The following CDH13 variants were observed in gnomAD, a reference collection of about 807,000 sequenced individuals.
CDH13 encodes cadherin 13, also known as cadherin-13.
Under a neutral mutation model 63.8 loss-of-function variants are expected in CDH13, and 24 were observed. The ratio of observed to expected loss-of-function variants is 0.38; its 90% confidence interval spans 0.27 to 0.53. CDH13 has a LOEUF of 0.53. CDH13 is among the 20% of genes least tolerant of loss of function. The probability of loss-of-function intolerance (pLI) is 0.85; values close to 1 mark genes in which losing one functional copy is unlikely to be tolerated. For synonymous variants in CDH13, 503 were observed against 355.3 expected (o/e 1.42, Z -4.67); for missense variants, 1,049 against 903.1 (o/e 1.16, Z -2.07).
chr16:83,140,257 A>T (rs1313822658), intron 4 of CDH13, among the ~76,000 whole-genome samples: 1 of 152,054 alleles, frequency 6.6e-6, no homozygotes, highest in Non-Finnish European at 1.5e-5. Context: ...AATCATACCT[A>T]TTCCTACACA....
chr16:83,717,359 A>G (rs1443562790), intron 10 of CDH13, among the ~76,000 whole-genome samples: 2 of 152,120 alleles, frequency 1.3e-5, no homozygotes, highest in South Asian at 2.1e-4. Flanking sequence ...CTTTTTGTAT[A>G]TATTTTCCAT....
rs1210160331 is a variant in CDH13, at chr16:82,638,428, T to A, written c.45+11291T>A. Among the ~76,000 whole-genome samples the A allele has an allele frequency of 3.3e-5, 5 of 152,194 alleles. No individual in the cohort carries two copies. The East Asian group carries it at 9.7e-4, about 29-fold the overall frequency. On this transcript the variant is annotated intron_variant, in intron 1 of 13. Transcript: ENST00000567109. ...CTGTTTTCCCCTGTATTAAAACAAC[T>A]GAAAAGGAATATCTATGCTTGCCCT...
intron 7 of CDH13, among the ~76,000 whole-genome samples, chr16:83,498,356 CTG>C (rs909777544): frequency 2.7e-5 from 4 of 150,916 alleles, no homozygotes; most frequent in African/African-American, 9.9e-5. Flanking sequence ...TGAGGTAAAA[CTG>C]AGATTATTCT....
chr16:83,216,791 T>C (rs575824212), intron 4 of CDH13, among the ~76,000 whole-genome samples: 1 of 150,656 alleles, frequency 6.6e-6, no homozygotes, highest in South Asian at 2.1e-4. Context: ...ATAAGCCCCC[T>C]AAATAGATGT....
chr16:82,945,432 C>T (rs764670351), intron 2 of CDH13, among the ~76,000 whole-genome samples: 43 of 152,168 alleles, frequency 2.8e-4, no homozygotes, highest in Non-Finnish European at 5.6e-4. Context: ...GTTTCCTAGG[C>T]CACTGACTGA....
chr16:82,705,703 T>TA (rs574810431), intron 1 of CDH13, among the ~76,000 whole-genome samples: 25 of 152,120 alleles, frequency 1.6e-4, no homozygotes, highest in Admixed American at 9.2e-4. Context: ...TTTAGAGACT[T>TA]AAAAAAAATC....
rs774376241 is a variant in CDH13 at position 83,699,130 on chromosome 16, T to C, written c.1538+20669T>C. 9.2e-5 allele frequency among the ~76,000 whole-genome samples: 14 copies of C among 152,240 alleles called. 1 individual carries two copies. The highest frequency in any genetic ancestry group is 5.9e-5 in the Non-Finnish European group (4 of 68,046). On this transcript the variant is annotated intron_variant, in intron 10 of 13. Transcript: ENST00000567109. ...AAGCCCTCGGCCAATGTTTGCTAAA[T>C]GCATGACTTATAAGACATGGCCCCC...
intron 4 of CDH13, among the ~76,000 whole-genome samples, chr16:83,179,847 A>G (rs990566348): frequency 1.6e-4 from 25 of 152,168 alleles, no homozygotes; most frequent in African/African-American, 5.5e-4. Context: ...CTTAGCATCA[A>G]ACTAAAGTTA....
chr16:82,659,323 A>G (rs778427798), intron 1 of CDH13, among the ~76,000 whole-genome samples: 11 of 152,180 alleles, frequency 7.2e-5, no homozygotes, highest in Non-Finnish European at 1.0e-4. Context: ...ATAAGCACAC[A>G]TGAATAGGTA....
chr16:83,528,088 A>G lies in CDH13; in HGVS notation c.960+41433A>G, dbSNP rs115540300. On this transcript the variant is annotated intron_variant, in intron 7 of 13. Transcript: ENST00000567109. Reference sequence around the variant, plus strand: ...GGGCCCCCTACACACAGGCATACCTACTTAGCCCCATCTGTATATCCCAAA... The same window carrying G: ...GGGCCCCCTACACACAGGCATACCTGCTTAGCCCCATCTGTATATCCCAAA... 9.3e-3 allele frequency among the ~76,000 whole-genome samples: 1,424 copies of G among 152,324 alleles called. 28 individuals carry two copies. The highest frequency in any genetic ancestry group is 0.033 in the African/African-American group (1,377 of 41,570).
chr16:83,034,009 G>T (rs1014193492), intron 3 of CDH13, among the ~76,000 whole-genome samples: 1 of 152,100 alleles, frequency 6.6e-6, no homozygotes, highest in African/African-American at 2.4e-5. Context: ...GGGTCACACA[G>T]CTGGGAGCAG....
intron 5 of CDH13, among the ~76,000 whole-genome samples, chr16:83,333,994 G>T (rs554270638): frequency 1.8e-4 from 27 of 152,178 alleles, no homozygotes; most frequent in African/African-American, 6.0e-4. Context: ...GTAAAATCAA[G>T]GTGTCCGCAG....
chr16:83,448,999 AT>A (rs1296545491), intron 6 of CDH13, among the ~76,000 whole-genome samples: 1 of 152,182 alleles, frequency 6.6e-6, no homozygotes, highest in Non-Finnish European at 1.5e-5. Context: ...TAGATACCGA[AT>A]TTCCACAGCC....
chr16:83,083,963 C>T (rs1273687341), intron 3 of CDH13, among the ~76,000 whole-genome samples: 2 of 152,214 alleles, frequency 1.3e-5, no homozygotes, highest in African/African-American at 4.8e-5. Context: ...TTACCAATTG[C>T]AGCTGTTTCG....
chr16:83,715,472 G>A (rs1334408912), intron 10 of CDH13, among the ~76,000 whole-genome samples: 3 of 152,186 alleles, frequency 2.0e-5, no homozygotes, highest in South Asian at 4.1e-4. Context: ...CCTGGGGCTT[G>A]TAAGTACCAG....
chr16:83,672,975 A>G (rs929962622), intron 9 of CDH13, among the ~76,000 whole-genome samples: 9 of 152,240 alleles, frequency 5.9e-5, no homozygotes, highest in Non-Finnish European at 1.0e-4. Flanking sequence ...GGCCAGTGCC[A>G]GGGTTTCCTA....
chr16:82,647,753 T>C (rs1910265927), intron 1 of CDH13, among the ~76,000 whole-genome samples: 1 of 152,126 alleles, frequency 6.6e-6, no homozygotes, highest in Non-Finnish European at 1.5e-5. Flanking sequence ...GCCAGCCCTG[T>C]AATGGAAAAG....
chr16:83,232,556 A>C (rs1460856868), intron 5 of CDH13, among the ~76,000 whole-genome samples: 3 of 149,624 alleles, frequency 2.0e-5, no homozygotes, highest in Non-Finnish European at 4.5e-5. Flanking sequence ...AAACAAACAA[A>C]AAAAAAAAAA....
At chr16:83,458,636 C>G (rs938855945) in intron 6 of CDH13, among the ~76,000 whole-genome samples, 1 of 152,124 alleles carries the variant, frequency 6.6e-6, no homozygotes, top group Admixed American at 6.5e-5. Flanking sequence ...AACTTATTTA[C>G]TGATTTCCCT....
Sources: allele counts gnomAD v4.1 joint callset (sites outside exome capture counted in the v4.1 genomes callset), GRCh38; gene constraint gnomAD v4.1.1; transcripts MANE v1.5; gene names NCBI Gene and HGNC (gene_info 2026-07-23, HGNC 2026-07-21).